ERBB4: variants seen among roughly 807,000 people sequenced by gnomAD.
ERBB4 encodes receptor tyrosine-protein kinase erbB-4.
Under a neutral mutation model 158.0 loss-of-function variants are expected in ERBB4, and 42 were observed. The ratio of observed to expected loss-of-function variants is 0.27; its 90% CI spans 0.21 to 0.34. The LOEUF is 0.34. ERBB4 is among the 10% of genes least tolerant of loss of function. ERBB4 has a pLI of 1.00. For missense variants in ERBB4, 1,333 were observed against 1,624.1 expected (o/e 0.82, Z 3.08); for synonymous variants, 583 against 558.7 (o/e 1.04, Z -0.61).
chr2:211,455,445 G>A (rs1352059330), intron 20 of ERBB4, among the ~76,000 whole-genome samples: 3 of 152,158 alleles, frequency 2.0e-5, no homozygotes. Context: ...GCACTGTTCA[G>A]CTGCCTTTTG....
intron 19 of ERBB4, among the ~76,000 whole-genome samples, chr2:211,589,115 C>T (rs559514884): frequency 6.6e-6 from 1 of 152,030 alleles, no homozygotes; most frequent in Non-Finnish European, 1.5e-5. Flanking sequence ...ATTGTGGGCC[C>T]TAGGTAAGAT....
chr2:212,106,709 A>G (rs2079238857), intron 2 of ERBB4, among the ~76,000 whole-genome samples: 1 of 152,208 alleles, frequency 6.6e-6, no homozygotes, highest in African/African-American at 2.4e-5. Flanking sequence ...CTGGAGGCCT[A>G]GGAGGGAAAA....
At chr2:212,019,452 T>C (rs1019214351) in intron 2 of ERBB4, among the ~76,000 whole-genome samples, 6 of 151,914 alleles carry the variant, frequency 3.9e-5, no homozygotes, top group African/African-American at 1.4e-4. Flanking sequence ...GAAAAACACA[T>C]GTAAAAGGGA....
chr2:212,256,309 GTATT>G (rs919719504), intron 1 of ERBB4, among the ~76,000 whole-genome samples: 2 of 151,998 alleles, frequency 1.3e-5, no homozygotes, highest in African/African-American at 4.8e-5. Context: ...TAAAGCACTA[GTATT>G]TATTATTTTT....
At chr2:211,650,779 CA>C (rs2070952205) in intron 16 of ERBB4, among the ~76,000 whole-genome samples, 1 of 152,084 alleles carries the variant, frequency 6.6e-6, no homozygotes. Context: ...TTTATTTACC[CA>C]ATATACCCAT....
intron 1 of ERBB4, among the ~76,000 whole-genome samples, chr2:212,453,979 T>C: frequency 6.6e-6 from 1 of 151,782 alleles, no homozygotes. Flanking sequence ...CTCACTCTAT[T>C]GCCCAAGCTG....
chr2:212,417,928 T>A (rs536223949), intron 1 of ERBB4, among the ~76,000 whole-genome samples: 2 of 152,082 alleles, frequency 1.3e-5, no homozygotes, highest in East Asian at 3.9e-4. Context: ...AATAATTAGG[T>A]TTAGATGCAG....
chr2:212,207,775 G>A (rs1360417738), intron 1 of ERBB4, among the ~76,000 whole-genome samples: 2 of 152,006 alleles, frequency 1.3e-5, no homozygotes, highest in East Asian at 1.9e-4. Flanking sequence ...CTCTTAAAAA[G>A]GATAGAATTT....
intron 18 of ERBB4, among the ~76,000 whole-genome samples, chr2:211,620,936 A>C (rs2069576389): frequency 9.4e-6 from 1 of 106,674 alleles, no homozygotes; most frequent in Non-Finnish European, 2.1e-5. Flanking sequence ...AGACATTCCA[A>C]CTCTACTAAA....
At chr2:212,308,640 G>A (rs1269320920) in intron 1 of ERBB4, among the ~76,000 whole-genome samples, 1 of 150,868 alleles carries the variant, frequency 6.6e-6, no homozygotes, top group Non-Finnish European at 1.5e-5. Context: ...CAACTAAAGA[G>A]AAAAAAGTTA....
intron 1 of ERBB4, among the ~76,000 whole-genome samples, chr2:212,166,169 G>T (rs2081341215): frequency 1.3e-5 from 2 of 151,872 alleles, no homozygotes; most frequent in African/African-American, 2.4e-5. Context: ...AAAGAAAATA[G>T]ACACAGTCCC....
intron 5 of ERBB4, among the ~76,000 whole-genome samples, chr2:211,734,743 AC>A (rs1405852815): frequency 6.6e-6 from 1 of 151,516 alleles, no homozygotes; most frequent in African/African-American, 2.4e-5. Context: ...ACATGGTGAA[AC>A]CCCATCTCTA....
intron 3 of ERBB4, among the ~76,000 whole-genome samples, chr2:211,861,623 C>T (rs905866101): frequency 6.6e-6 from 1 of 152,060 alleles, no homozygotes; most frequent in Admixed American, 6.6e-5. Context: ...TTCTTCATCT[C>T]TCACAGGTGA....
chr2:212,200,035 T>A (rs1370590760), intron 1 of ERBB4, among the ~76,000 whole-genome samples: 2 of 152,212 alleles, frequency 1.3e-5, no homozygotes, highest in East Asian at 3.9e-4. Context: ...CTGAAAATCC[T>A]CAGCTATCTA....
intron 3 of ERBB4, among the ~76,000 whole-genome samples, chr2:211,795,104 A>G (rs1394949536): frequency 6.6e-6 from 1 of 151,852 alleles, no homozygotes; most frequent in Non-Finnish European, 1.5e-5. Flanking sequence ...TCCATCTTGC[A>G]TATTAAAGTC....
chr2:212,217,712 T>C (rs1177450894), intron 1 of ERBB4, among the ~76,000 whole-genome samples: 1 of 151,326 alleles, frequency 6.6e-6, no homozygotes, highest in African/African-American at 2.4e-5. Flanking sequence ...TCCAGAATCA[T>C]AAAGAACTAG....
intron 1 of ERBB4, among the ~76,000 whole-genome samples, chr2:212,191,701 A>G (rs62647514): frequency 1.7e-4 from 5 of 28,674 alleles, no homozygotes; most frequent in Non-Finnish European, 3.1e-4. Flanking sequence ...TACATATAAC[A>G]CGTGTTATAC....
At chr2:212,160,342 G>T (rs2081166300) in intron 1 of ERBB4, among the ~76,000 whole-genome samples, 1 of 151,860 alleles carries the variant, frequency 6.6e-6, no homozygotes, top group African/African-American at 2.4e-5. Context: ...AATAAAAAGT[G>T]AAGAAATTAT....
rs1008938903 is a variant in ERBB4, at chr2:212,135,240, T to C, written c.83-10337A>G. Among the ~76,000 whole-genome samples the C allele has an allele frequency of 1.6e-4, 24 of 152,146 alleles. 1 individual carries two copies. The highest frequency in any genetic ancestry group is 5.6e-4 in the African/African-American group (23 of 41,440). On this transcript the variant is annotated intron_variant, in intron 1 of 27. Coordinates refer to ENST00000342788, the MANE Select transcript of ERBB4 (RefSeq NM_005235.3). ...ATTCTTAAGTGCAGCTACTATATAG[T>C]GTGAGGGAAAATAACCTCATAACTG... is the stretch of plus-strand genomic sequence containing the variant.
Sources: allele counts gnomAD v4.1 joint callset (sites outside exome capture counted in the v4.1 genomes callset), GRCh38; gene constraint gnomAD v4.1.1; transcripts MANE v1.5; gene names NCBI Gene and HGNC (gene_info 2026-07-23, HGNC 2026-07-21).